Variants in ERBB4 observed in about 807,000 individuals in gnomAD.
ERBB4 encodes erb-b2 receptor tyrosine kinase 4, also known as receptor tyrosine-protein kinase erbB-4.
A neutral mutation model predicts 158.0 loss-of-function variants in ERBB4; 42 were observed. The ratio of observed to expected loss-of-function variants is 0.27; its 90% CI spans 0.21 to 0.34. The LOEUF is 0.34. Ranked by LOEUF, ERBB4 falls within the 10% of genes least tolerant of loss-of-function variation. The pLI, the probability that ERBB4 is intolerant of heterozygous loss-of-function variation, is 1.00. For synonymous variants in ERBB4, 583 were observed against 558.7 expected, an observed-to-expected ratio of 1.04 and a Z score of -0.61; for missense variants, 1,333 against 1,624.1, an observed-to-expected ratio of 0.82 and a Z score of 3.08.
intron 3 of ERBB4, among the ~76,000 whole-genome samples, chr2:211,888,939 G>A (rs1184308304): frequency 6.6e-6 from 1 of 151,424 alleles, no homozygotes; most frequent in African/African-American, 2.4e-5. Flanking sequence ...AGCAGTCTGA[G>A]ATCAAACTGC....
chr2:211,512,533 T>C (rs2065908241), intron 20 of ERBB4, among the ~76,000 whole-genome samples: 1 of 151,914 alleles, frequency 6.6e-6, no homozygotes, highest in Non-Finnish European at 1.5e-5. Context: ...CTCTGACAAG[T>C]GAACAAACAC....
At chr2:212,042,375 C>T (rs1235422647) in intron 2 of ERBB4, among the ~76,000 whole-genome samples, 2 of 151,964 alleles carry the variant, frequency 1.3e-5, no homozygotes, top group Admixed American at 1.3e-4. Context: ...TGAAATATAG[C>T]CATCATGAAT....
chr2:211,867,361 C>A (rs913428796), intron 3 of ERBB4, among the ~76,000 whole-genome samples: 2 of 152,112 alleles, frequency 1.3e-5, no homozygotes, highest in Non-Finnish European at 2.9e-5. Context: ...TTGAAAATTT[C>A]TGCAAATATA....
intron 21 of ERBB4, among the ~76,000 whole-genome samples, chr2:211,430,605 T>C (rs978573793): frequency 6.6e-6 from 1 of 152,216 alleles, no homozygotes; most frequent in Admixed American, 6.5e-5. Flanking sequence ...TCTACAGCCA[T>C]GTGTTAAAGT....
In ERBB4 at chr2:211,520,572, C is replaced by T; in HGVS notation, c.2487+41331G>A. ...TAGTGATCGTATATGGACCACAAACCCTACAGTATTTATTATCTGGCTTGT... is the reference window on the plus strand; with the variant it reads ...TAGTGATCGTATATGGACCACAAACTCTACAGTATTTATTATCTGGCTTGT... On this transcript the variant is annotated intron_variant, in intron 20 of 27. Coordinates refer to ENST00000342788, the MANE Select transcript of ERBB4 (RefSeq NM_005235.3). Among the ~76,000 whole-genome samples, 2 of 151,948 alleles carry T rather than the reference C, an allele frequency of 1.3e-5. 1 individual carries two copies.
intron 3 of ERBB4, among the ~76,000 whole-genome samples, chr2:211,939,957 G>GAA (rs60601231): frequency 7.2e-6 from 1 of 138,388 alleles, no homozygotes; most frequent in Non-Finnish European, 1.6e-5. Context: ...AAAAAAAAAG[G>GAA]AAAAAAAAAA....
rs1243173018 is a variant in ERBB4, at chr2:211,400,974, G to A, written c.3136-12982C>T. Among the ~76,000 whole-genome samples the A allele has an allele frequency of 1.3e-5, 2 of 152,010 alleles. 1 individual carries two copies. Among genetic ancestry groups the A allele is most frequent in the African/African-American group, 4.8e-5 (2 of 41,400 alleles). On this transcript the variant is annotated intron_variant, in intron 25 of 27. Transcript: ENST00000342788. ...AGTTTAAACCAAATTTGAAACAATT[G>A]TCAAAATGATTGCTGTCACTGACAT...
At chr2:212,399,545 C>CATATATATATATATATATATATATATAT (rs869111881) in intron 1 of ERBB4, among the ~76,000 whole-genome samples, 1 of 38,090 alleles carries the variant, frequency 2.6e-5, no homozygotes, top group Non-Finnish European at 4.9e-5. Context: ...TTTATATATA[C>CATATATATATATATATATATATATATAT]ATATATATAT....
rs1450583129 is a variant in ERBB4 at position 212,249,445 on chromosome 2, A to G, written c.83-124542T>C. ...AAATATCATTCATGATATAGAAAAG[A>G]TAGGTTGAAACATACAATTAGCTAG... On this transcript the variant is annotated intron_variant, in intron 1 of 27. Transcript: ENST00000342788. Among the ~76,000 whole-genome samples, 2 of 151,662 alleles carry G rather than the reference A, an allele frequency of 1.3e-5. 1 individual carries two copies. The highest frequency in any genetic ancestry group is 2.9e-5 in the Non-Finnish European group (2 of 67,836).
rs77254280 is a variant in ERBB4, at chr2:212,026,309, A to C, written c.235-78693T>G. ...TTTTTCAGTCACCTATAAGGTTCCT[A>C]ATAGTGAAGTTTAAATTGAACATTG... On this transcript the variant is annotated intron_variant, in intron 2 of 27. Transcript: ENST00000342788. 7.9e-5 allele frequency among the ~76,000 whole-genome samples: 12 copies of C among 151,888 alleles called. No homozygotes were observed. The East Asian group carries it at 2.1e-3, about 27-fold the overall frequency.
At chr2:212,357,324 C>T (rs901263361) in intron 1 of ERBB4, among the ~76,000 whole-genome samples, 1 of 151,648 alleles carries the variant, frequency 6.6e-6, no homozygotes, top group East Asian at 1.9e-4. Flanking sequence ...ATAAATTAGT[C>T]CAATTTATCA....
At chr2:211,458,483 T>G (rs1219291075) in intron 20 of ERBB4, among the ~76,000 whole-genome samples, 2 of 152,108 alleles carry the variant, frequency 1.3e-5, no homozygotes, top group Non-Finnish European at 1.5e-5. Flanking sequence ...GCCGAGATGG[T>G]CTCGATCTCC....
At chr2:211,880,902 G>C (rs920646032) in intron 3 of ERBB4, among the ~76,000 whole-genome samples, 1 of 152,126 alleles carries the variant, frequency 6.6e-6, no homozygotes, top group Non-Finnish European at 1.5e-5. Flanking sequence ...CCTAATTGAA[G>C]AGGACCAACA....
At chr2:211,806,579 A>G (rs1177124248) in intron 3 of ERBB4, among the ~76,000 whole-genome samples, 2 of 152,186 alleles carry the variant, frequency 1.3e-5, no homozygotes, top group Non-Finnish European at 2.9e-5. Context: ...AAGTATCACA[A>G]TGCAACAGAA....
chr2:211,845,657 A>T (rs1055655793), intron 3 of ERBB4, among the ~76,000 whole-genome samples: 6 of 152,198 alleles, frequency 3.9e-5, no homozygotes, highest in African/African-American at 1.4e-4. Flanking sequence ...TGACTTTAGT[A>T]CATCCAACTT....
chr2:211,729,716 T>A (rs1357664312), intron 5 of ERBB4, among the ~76,000 whole-genome samples: 1 of 151,826 alleles, frequency 6.6e-6, no homozygotes, highest in Non-Finnish European at 1.5e-5. Flanking sequence ...AAAAAATAAT[T>A]CCTGAAATCA....
chr2:211,543,234 C>T (rs1357176587), intron 20 of ERBB4, among the ~76,000 whole-genome samples: 1 of 151,986 alleles, frequency 6.6e-6, no homozygotes, highest in Admixed American at 6.6e-5. Flanking sequence ...AAATAAGGCA[C>T]TATTTCTAAC....
intron 19 of ERBB4, among the ~76,000 whole-genome samples, chr2:211,570,263 T>C (rs2067676511): frequency 6.6e-6 from 1 of 151,584 alleles, no homozygotes; most frequent in South Asian, 2.1e-4. Flanking sequence ...GCTATTCTCC[T>C]GCCTCAGCCT....
chr2:212,132,250 T>C (rs1174307446), intron 1 of ERBB4, among the ~76,000 whole-genome samples: 1 of 152,202 alleles, frequency 6.6e-6, no homozygotes, highest in Non-Finnish European at 1.5e-5. Context: ...CCTTTTATTG[T>C]CTTTAATTGG....
Sources: gnomAD v4.1 joint callset for allele counts (sites outside exome capture counted in the v4.1 genomes callset) on GRCh38, gnomAD v4.1.1 for gene constraint, MANE v1.5 for transcripts, NCBI Gene and HGNC (gene_info 2026-07-23, HGNC 2026-07-21) for gene names.